ANAPC1: variants seen among roughly 807,000 people sequenced by gnomAD.
The protein encoded by ANAPC1 is anaphase-promoting complex subunit 1.
Under a neutral mutation model 208.0 loss-of-function variants are expected in ANAPC1, and 36 were observed. The observed-to-expected ratio is 0.17, with a 90% CI of 0.13 to 0.23. ANAPC1 has a LOEUF of 0.23. Ranked by LOEUF, ANAPC1 falls within the 10% of genes least tolerant of loss-of-function variation. The pLI, the probability that ANAPC1 is intolerant of heterozygous loss-of-function variation, is 1.00. For synonymous variants in ANAPC1, 378 were observed against 695.2 expected (o/e 0.54, Z 7.18); for missense variants, 942 against 2,011.6 (o/e 0.47, Z 10.17).
chr2:111,826,021 C>G (rs955039776), intron 21 of ANAPC1, among the ~76,000 whole-genome samples, 166 bp from the exon 22 acceptor site: 8 of 152,170 alleles, frequency 5.3e-5, no homozygotes, highest in African/African-American at 1.9e-4. Context: ...GGACTATAGG[C>G]ACACACCACC....
chr2:111,827,612 G>A (rs1309185741), intron 21 of ANAPC1, among the ~76,000 whole-genome samples: 3 of 151,938 alleles, frequency 2.0e-5, no homozygotes, highest in South Asian at 2.1e-4. Context: ...AAAATTAGCC[G>A]GGTGTGATGG....
intron 3 of ANAPC1, among the ~76,000 whole-genome samples, chr2:111,876,932 GA>G: frequency 6.6e-6 from 1 of 152,120 alleles, no homozygotes; most frequent in East Asian, 1.9e-4. Context: ...TTTTCAGTAA[GA>G]AAAGTTGAAA....
At chr2:111,825,337 A>G (rs1679775875) in intron 22 of ANAPC1, among the ~76,000 whole-genome samples, 170 bp from the exon 23 acceptor site, 1 of 152,172 alleles carries the variant, frequency 6.6e-6, no homozygotes, top group Non-Finnish European at 1.5e-5. Context: ...CCCTCAGAAT[A>G]CTCAGGGGAT....
intron 18 of ANAPC1, among the ~76,000 whole-genome samples, chr2:111,838,085 C>CA (rs57089465): frequency 3.4e-4 from 35 of 103,474 alleles, no homozygotes; most frequent in East Asian, 5.9e-4. Flanking sequence ...TACTCCGTCT[C>CA]AAAAAAAAAA....
At chr2:111,810,881 T>G (rs1573372749) in intron 28 of ANAPC1, among the ~76,000 whole-genome samples, 1 of 29,092 alleles carries the variant, frequency 3.4e-5, no homozygotes, top group African/African-American at 1.8e-4. Context: ...AGACTCCACA[T>G]CAAAAAAAAA....
chr2:111,847,601 G>T (rs1161027698), intron 15 of ANAPC1, 124 bp downstream of exon 15: 1 of 1,294,306 alleles, frequency 7.7e-7, no homozygotes, highest in Non-Finnish European at 1.0e-6. Context: ...GCCAAAAAAT[G>T]ACACAATAGA....
downstream of ANAPC1, chr2:111,766,604 C>G (rs1257345850): frequency 9.3e-6 from 2 of 215,122 alleles, no homozygotes; most frequent in African/African-American, 4.7e-5. Flanking sequence ...CCAATTTGAT[C>G]AGCATGAGGA....
chr2:111,772,358 G>C lies in ANAPC1; in HGVS notation c.5702C>G (p.Pro1901Arg). Reference sequence around the variant, plus strand: ...GCAATTACCTTCTAGTCCTATAGGTGGCAGGTGCTGTGGAGCTGGCACAGA... The same window carrying C: ...GCAATTACCTTCTAGTCCTATAGGTCGCAGGTGCTGTGGAGCTGGCACAGA... Reference protein sequence around the residue: ...YHSVPAPQHLPPIGLEGSTSF... With the variant: ...YHSVPAPQHLRPIGLEGSTSF... Residue 1901 changes from proline (P) to arginine (R), a missense_variant, in exon 47 of 48, where the codon CCA becomes CGA. Pro to Arg is a moderately radical substitution (Grantham distance 103). Coordinates refer to ENST00000341068, the MANE Select transcript of ANAPC1 (RefSeq NM_022662.4). 1 of 1,612,552 alleles carries C rather than the reference G, an allele frequency of 6.2e-7. No homozygotes were observed. Among genetic ancestry groups the C allele is most frequent in the South Asian group, 1.1e-5 (1 of 90,932 alleles).
At chr2:111,793,197 A>G (rs1413348319) in intron 37 of ANAPC1, among the ~76,000 whole-genome samples, 1 of 152,038 alleles carries the variant, frequency 6.6e-6, no homozygotes, top group African/African-American at 2.4e-5. Context: ...GACCTATTAC[A>G]AGCAAGCTTC....
intron 20 of ANAPC1, among the ~76,000 whole-genome samples, chr2:111,831,826 CAAAAAA>C (rs34008628): frequency 6.9e-5 from 2 of 29,038 alleles, no homozygotes; most frequent in African/African-American, 2.2e-4. Context: ...GACTCTGTCT[CAAAAAA>C]AAAAAAAAAA....
In ANAPC1 at chr2:111,782,504, G is replaced by A. The variant is rs775545245; in HGVS notation, c.5067C>T (p.Ser1689=). The change falls in exon 43 of 48, where the codon TCC becomes TCT. Residue 1689 remains serine (S), a synonymous_variant. Coordinates refer to ENST00000341068, the MANE Select transcript of ANAPC1 (RefSeq NM_022662.4). The part of the protein sequence containing the change: ...DLSKGTQHLK[S]ILSKDGVLYV... The stretch of plus-strand genomic sequence containing the variant: ...ATAAAACCCCATCCTTGGAAAGGAT[G>A]GACCTGAAAGAAAAGGAATGAATTT... 78 of 1,613,542 alleles carry A rather than the reference G, an allele frequency of 4.8e-5. No homozygotes were observed. The South Asian group carries it at 8.0e-4, about 17-fold the overall frequency.
At chr2:111,845,867 C>T (rs1421489257) in intron 16 of ANAPC1, among the ~76,000 whole-genome samples, 1 of 147,312 alleles carries the variant, frequency 6.8e-6, no homozygotes, top group Non-Finnish European at 1.5e-5. Flanking sequence ...CCCAGCTACT[C>T]GGGAGGCTGA....
intron 1 of ANAPC1, among the ~76,000 whole-genome samples, chr2:111,883,515 C>T (rs1277771247): frequency 6.6e-6 from 1 of 151,422 alleles, no homozygotes; most frequent in Non-Finnish European, 1.5e-5. Flanking sequence ...AGCAATGATT[C>T]CTACAAACAC....
At chr2:111,880,937 A>G in intron 1 of ANAPC1, 88 bp from the exon 2 acceptor site, 5 of 1,212,494 alleles carry the variant, frequency 4.1e-6, no homozygotes, top group South Asian at 3.0e-5. Context: ...TAATCCTTAC[A>G]TGGGTGTCAA....
intron 7 of ANAPC1, among the ~76,000 whole-genome samples, chr2:111,866,827 G>A (rs532549528): frequency 2.0e-5 from 3 of 148,926 alleles, no homozygotes; most frequent in African/African-American, 7.4e-5. Flanking sequence ...AAGGCTGCGT[G>A]CCATTTAATC....
At chr2:111,790,563 G>A (rs1367290529) in intron 38 of ANAPC1, among the ~76,000 whole-genome samples, 5 of 151,326 alleles carry the variant, frequency 3.3e-5, no homozygotes, top group East Asian at 2.0e-4. Context: ...AGAAAAATCC[G>A]TGCCAGGTAG....
chr2:111,778,027 A>G (rs1677079846), intron 45 of ANAPC1, among the ~76,000 whole-genome samples: 1 of 152,294 alleles, frequency 6.6e-6, no homozygotes, highest in Non-Finnish European at 1.5e-5. Flanking sequence ...GCCAGGTTAG[A>G]AAACTACTGG....
At chr2:111,843,320 C>G in intron 17 of ANAPC1, 92 bp downstream of exon 17, 1 of 1,200,812 alleles carries the variant, frequency 8.3e-7, no homozygotes, top group South Asian at 1.3e-5. Context: ...GAATATGGTA[C>G]GCCTATTATG....
intron 37 of ANAPC1, among the ~76,000 whole-genome samples, 187 bp from the exon 38 acceptor site, chr2:111,792,742 G>C (rs1287933348): frequency 6.6e-6 from 1 of 151,966 alleles, no homozygotes; most frequent in Admixed American, 6.5e-5. Context: ...CACGAGGTCA[G>C]GAGATCGAGA....
Sources: allele counts gnomAD v4.1 joint callset (sites outside exome capture counted in the v4.1 genomes callset), GRCh38; gene constraint gnomAD v4.1.1; transcripts MANE v1.5; gene names NCBI Gene and HGNC (gene_info 2026-07-23, HGNC 2026-07-21).